The following MBD1 variants were observed in gnomAD, a reference collection of about 807,000 sequenced individuals.
MBD1 encodes the protein methyl-CpG-binding domain protein 1.
Under a neutral mutation model 82.6 loss-of-function variants are expected in MBD1, and 25 were observed. That is an observed-to-expected ratio of 0.30 (90% CI 0.22 to 0.42). The LOEUF (loss-of-function observed/expected upper bound fraction) is 0.42, where lower values mean the gene tolerates loss of function less well. MBD1 is among the 10% of genes least tolerant of loss of function. MBD1 has a pLI of 1.00. For missense variants in MBD1, 627 were observed against 819.6 expected, an observed-to-expected ratio of 0.76 and a Z score of 2.87; for synonymous variants, 301 against 303.7, an observed-to-expected ratio of 0.99 and a Z score of 0.09.
At chr18:50,268,686 A>G (rs1322456275), downstream of MBD1, among the ~76,000 whole-genome samples, 1 of 152,192 alleles carries the variant, frequency 6.6e-6, no homozygotes, top group African/African-American at 2.4e-5. Context: ...CTCAGCCTTC[A>G]GCCAACCCCC....
At chr18:50,268,816 C>T, downstream of MBD1, 3 of 728,132 alleles carry the variant, frequency 4.1e-6, no homozygotes, top group Non-Finnish European at 5.0e-6. Context: ...CCCACCAAAC[C>T]ACTCCCAAAA....
At chr18:50,270,523 A>G (rs1444823612) in intron 16 of MBD1, 2 of 346,968 alleles carry the variant, frequency 5.8e-6, no homozygotes, top group Non-Finnish European at 1.1e-5. Context: ...TTGTCAGGAA[A>G]GATGAGCCAG....
At chr18:50,269,853 C>A (rs760262841) in intron 16 of MBD1, 35 bp from the exon 17 acceptor site, 1 of 846,450 alleles carries the variant, frequency 1.2e-6, no homozygotes, top group South Asian at 1.3e-5. Context: ...AAGACAACAG[C>A]CTTACAGAGA....
chr18:50,269,892 C>G, intron 16 of MBD1, 74 bp from the exon 17 acceptor site: 1 of 1,026,420 alleles, frequency 9.7e-7, no homozygotes, highest in Non-Finnish European at 1.6e-6. Flanking sequence ...CAATGGCATG[C>G]GGTCAGATCC....
intron 2 of MBD1, among the ~76,000 whole-genome samples, chr18:50,278,049 T>G (rs144029744): frequency 6.6e-6 from 1 of 152,204 alleles, no homozygotes; most frequent in Non-Finnish European, 1.5e-5. Context: ...CAAACCCTAA[T>G]GTAATATGTA....
chr18:50,269,480 G>A lies in MBD1; in HGVS notation c.*371C>T, dbSNP rs536047116. The A allele has an allele frequency of 2.8e-5, 20 of 725,818 alleles. 1 individual carries two copies. The East Asian group carries it at 3.2e-4, about 12-fold the overall frequency. 45.0% of individuals were successfully genotyped at this position (725,818 alleles called of 1,614,324 possible). ...TTGGAAGGTTGGTGCTGGGGCACCA[G>A]GCGTTGTTGCAGTTCACACGTTGCC... On this transcript the variant is annotated 3_prime_UTR_variant, in exon 17 of 17. Transcript: ENST00000269468.
chr18:50,268,536 G>A (rs1030552968), downstream of MBD1, among the ~76,000 whole-genome samples: 1 of 152,270 alleles, frequency 6.6e-6, no homozygotes, highest in African/African-American at 2.4e-5. Flanking sequence ...GGCCAGGCCA[G>A]GGGTGATGGG....
intron 2 of MBD1, among the ~76,000 whole-genome samples, chr18:50,279,570 G>A (rs982379330): frequency 1.3e-5 from 2 of 152,122 alleles, no homozygotes; most frequent in African/African-American, 4.8e-5. Flanking sequence ...AACAGACCAC[G>A]AAAAGGACAC....
Position 50,276,812 on chromosome 18 carries a change from C to T in MBD1, c.392+20G>A. 3 of 1,614,212 alleles carry T rather than the reference C, an allele frequency of 1.9e-6. No homozygotes were observed. Among genetic ancestry groups the T allele is most frequent in the South Asian group, 1.1e-5 (1 of 91,086 alleles). ...AATCACAACCCTCACCCATCTGGCT[C>T]ACCTTAGACCAACACTCACCCAGGA... On this transcript the variant is annotated intron_variant, in intron 4 of 16. Coordinates refer to ENST00000269468, the MANE Select transcript of MBD1 (RefSeq NM_015846.4).
At chr18:50,274,865 C>T in intron 10 of MBD1, 112 bp downstream of exon 10, 2 of 1,077,180 alleles carry the variant, frequency 1.9e-6, no homozygotes, top group Non-Finnish European at 2.8e-6. Context: ...ATCCTAGGAC[C>T]CATTATTGTG....
Position 50,269,680 on chromosome 18 carries a change from C to T in MBD1, c.*171G>A, listed in dbSNP as rs776898339. ...TTCTTCTGCAGGACACCCACATCAT[C>T]GAAGCTGGAGGTGGTGAGAGACTGA... On this transcript the variant is annotated 3_prime_UTR_variant, in exon 17 of 17. Coordinates refer to ENST00000269468, the MANE Select transcript of MBD1 (RefSeq NM_015846.4). The T allele has an allele frequency of 1.0e-5, 8 of 773,878 alleles. No homozygotes were observed. In the East Asian group the frequency reaches 1.2e-4, roughly 12 times the overall value. 47.9% of individuals were successfully genotyped at this position (773,878 alleles called of 1,614,324 possible).
rs143514309 is a variant in MBD1 at position 50,276,696 on chromosome 18, C to T, written c.441G>A (p.Arg147=). 5.1e-4 allele frequency: 824 copies of T among 1,614,200 alleles called. 4 individuals carry two copies. Among genetic ancestry groups the T allele is most frequent in the Middle Eastern group, 4.0e-3 (24 of 6,062 alleles). ...GISFSGDGTQ[R]QRLKTLCKDC... ...CTTTGCACAACGTTTTGAGCCGCTG[C>T]CTTTGGGTGCCATCCCCTGAGAAGC... The change falls in exon 5 of 17, where the codon AGG becomes AGA. Residue 147 remains arginine, a synonymous_variant. Coordinates refer to ENST00000269468, the MANE Select transcript of MBD1 (RefSeq NM_015846.4).
intron 1 of MBD1, among the ~76,000 whole-genome samples, chr18:50,280,593 T>C (rs940563793): frequency 7.9e-5 from 12 of 151,920 alleles, no homozygotes; most frequent in Admixed American, 6.6e-5. Flanking sequence ...CAACCTCGAC[T>C]TCCTCTGCGA....
intron 13 of MBD1, 55 bp from the exon 14 acceptor site, chr18:50,273,010 A>C: frequency 6.2e-7 from 1 of 1,607,968 alleles, no homozygotes; most frequent in South Asian, 1.1e-5. Context: ...ACCTGAGGAA[A>C]GTCTCTATCA....
At position 50,275,585 on chromosome 18, in the gene MBD1, T is replaced by A. The variant is rs1599412420; in HGVS notation, c.792+15A>T. ...TAACAGCAGAATGAGCTCTGCTCCC[T>A]CCAGCCCAACTCACCCGTAGGCAAC... On this transcript the variant is annotated intron_variant, in intron 8 of 16. Coordinates refer to ENST00000269468, the MANE Select transcript of MBD1 (RefSeq NM_015846.4). 6.2e-7 allele frequency: 1 copy of A among 1,614,038 alleles called. No homozygotes were observed.
Position 50,281,471 on chromosome 18 carries a change from G to A in MBD1, c.-134C>T. 3.4e-6 allele frequency: 2 copies of A among 591,764 alleles called. No homozygotes were observed. Among genetic ancestry groups the A allele is most frequent in the East Asian group, 2.8e-5 (1 of 35,500 alleles). 36.7% of individuals were successfully genotyped at this position (591,764 alleles called of 1,614,324 possible). A position where few individuals can be genotyped will look rare whatever the true frequency, so the allele number is the denominator to read the frequency against. ...CCTCCTCCCCTTCCTCCTCCTCCGCGGCCGCCTCCTCTGAAGCGGTAGCTG... is the reference window on the plus strand; with the variant it reads ...CCTCCTCCCCTTCCTCCTCCTCCGCAGCCGCCTCCTCTGAAGCGGTAGCTG... On this transcript the variant is annotated 5_prime_UTR_variant, in exon 1 of 17. Coordinates refer to ENST00000269468, the MANE Select transcript of MBD1 (RefSeq NM_015846.4).
rs115442885 is a variant in MBD1 at position 50,280,839 on chromosome 18, T to A, written c.-26+524A>T. 3.9e-3 allele frequency among the ~76,000 whole-genome samples: 591 copies of A among 152,044 alleles called. 2 individuals carry two copies. The highest frequency in any genetic ancestry group is 0.013 in the African/African-American group (558 of 41,444). ...CTCATCCTCCATTCCTCCCTTATCA[T>A]CCAGAGAGACCCTAATTTCTCCCCT... On this transcript the variant is annotated intron_variant, in intron 1 of 16. Transcript: ENST00000269468.
Position 50,271,631 on chromosome 18 carries a change from C to T in MBD1, c.1779-91G>A, listed in dbSNP as rs979156519. On this transcript the variant is annotated intron_variant, in intron 15 of 16. Coordinates refer to ENST00000269468, the MANE Select transcript of MBD1 (RefSeq NM_015846.4). ...AAACCATTTCCTACTATTCTGTGTC[C>T]TCCATCCACTTCCCCTTAATTATCC... is the stretch of plus-strand genomic sequence containing the variant. 5.4e-6 allele frequency: 7 copies of T among 1,294,494 alleles called. No homozygotes were observed. The African/African-American group carries it at 1.0e-4, about 19-fold the overall frequency. The allele number at this position is 1,294,494 out of a possible 1,614,324, so 80.2% of individuals were successfully genotyped here.
At chr18:50,267,657 GTAA>G, downstream of MBD1, 1 of 1,535,762 alleles carries the variant, frequency 6.5e-7, no homozygotes. Flanking sequence ...GAGCAAGGTG[GTAA>G]TACCTAAAAG....
Sources: allele counts gnomAD v4.1 joint callset (sites outside exome capture counted in the v4.1 genomes callset), GRCh38; gene constraint gnomAD v4.1.1; transcripts MANE v1.5; gene names NCBI Gene and HGNC (gene_info 2026-07-23, HGNC 2026-07-21).